SENP7: variants seen among roughly 807,000 people sequenced by gnomAD.
SENP7 encodes SUMO specific peptidase 7.
In SENP7, 64 loss-of-function variants were observed where a neutral mutation model predicts 141.2. That is an observed-to-expected ratio of 0.45 (90% CI 0.37 to 0.56). The LOEUF (loss-of-function observed/expected upper bound fraction) is 0.56. SENP7 is among the 20% of genes least tolerant of loss of function. SENP7 has a pLI of 0.00. For missense variants in SENP7, 1,025 were observed against 1,212.2 expected (o/e 0.85, Z 2.29); for synonymous variants, 382 against 426.4 (o/e 0.90, Z 1.28).
At chr3:101,490,257 A>C (rs1184264502) in intron 3 of SENP7, among the ~76,000 whole-genome samples, 1 of 152,198 alleles carries the variant, frequency 6.6e-6, no homozygotes, top group Non-Finnish European at 1.5e-5. Flanking sequence ...TAAATAAACC[A>C]TAATATATTC....
Position 101,417,604 on chromosome 3 carries a change from A to G in SENP7, c.471T>C (p.Asn157=). 1 of 1,613,116 alleles carries G rather than the reference A, an allele frequency of 6.2e-7. No homozygotes were observed. Among genetic ancestry groups the G allele is most frequent in the Non-Finnish European group, 8.5e-7 (1 of 1,179,086 alleles). Residue 157 remains asparagine (N), a synonymous_variant, in exon 5 of 24, where the codon AAT becomes AAC. Transcript: ENST00000394095. ...ACTGAACAACATACCTTTCAGATAA[A>G]TTAAGGCTTTGGCGAAGAGGTTCTA... ...QKLEPLRQSL[N]LSERIPRVIL...
chr3:101,496,122 C>G (rs1432393090), intron 2 of SENP7, among the ~76,000 whole-genome samples: 1 of 152,098 alleles, frequency 6.6e-6, no homozygotes, highest in Non-Finnish European at 1.5e-5. Flanking sequence ...GACAAATAAA[C>G]TAGAAGGATA....
intron 14 of SENP7, 84 bp downstream of exon 14, chr3:101,343,602 G>T: frequency 1.5e-6 from 2 of 1,373,338 alleles, no homozygotes; most frequent in Non-Finnish European, 2.0e-6. Flanking sequence ...ACAAAATGTA[G>T]CATTTGAAAG....
chr3:101,449,155 G>C (rs2063017427), intron 4 of SENP7, among the ~76,000 whole-genome samples: 1 of 151,542 alleles, frequency 6.6e-6, no homozygotes, highest in Non-Finnish European at 1.5e-5. Flanking sequence ...ATGAAATGAA[G>C]AGAGAAGTTT....
intron 6 of SENP7, among the ~76,000 whole-genome samples, chr3:101,391,743 C>T (rs530472174): frequency 2.6e-5 from 4 of 152,228 alleles, no homozygotes; most frequent in Admixed American, 2.0e-4. Flanking sequence ...TTCTACAAGG[C>T]CAGCACTACC....
intron 3 of SENP7, 138 bp downstream of exon 3, chr3:101,493,735 G>A: frequency 2.0e-6 from 1 of 497,176 alleles, no homozygotes; most frequent in South Asian, 3.7e-5. Context: ...TGCCAAAAAT[G>A]AACTAAAATC....
intron 5 of SENP7, among the ~76,000 whole-genome samples, chr3:101,411,494 C>T (rs2061457036): frequency 6.6e-6 from 1 of 152,136 alleles, no homozygotes; most frequent in South Asian, 2.1e-4. Context: ...AAAACTTATC[C>T]AGTTTGGGTA....
At chr3:101,444,725 C>CA (rs2062820314) in intron 4 of SENP7, among the ~76,000 whole-genome samples, 1 of 122,148 alleles carries the variant, frequency 8.2e-6, no homozygotes, top group Non-Finnish European at 1.6e-5. Flanking sequence ...GGGAACATCA[C>CA]ACTCTGGGGA....
At chr3:101,434,092 A>C (rs1018766333) in intron 4 of SENP7, among the ~76,000 whole-genome samples, 8 of 152,160 alleles carry the variant, frequency 5.3e-5, no homozygotes, top group Non-Finnish European at 7.4e-5. Flanking sequence ...ATCTTCTCTG[A>C]CCACAAAGGA....
chr3:101,493,195 A>G (rs965471402), intron 3 of SENP7, among the ~76,000 whole-genome samples: 1 of 152,206 alleles, frequency 6.6e-6, no homozygotes, highest in African/African-American at 2.4e-5. Flanking sequence ...AATGATCAGA[A>G]CACGCGGACA....
At chr3:101,452,088 A>C (rs1385701328) in intron 4 of SENP7, among the ~76,000 whole-genome samples, 2 of 152,216 alleles carry the variant, frequency 1.3e-5, no homozygotes, top group African/African-American at 4.8e-5. Flanking sequence ...ACAGAGAGCC[A>C]AATCATGAGT....
chr3:101,404,057 T>C (rs767483085), intron 5 of SENP7, among the ~76,000 whole-genome samples: 39 of 152,254 alleles, frequency 2.6e-4, no homozygotes, highest in South Asian at 1.9e-3. Flanking sequence ...TTCATAGAAT[T>C]AGAAAAAACT....
intron 4 of SENP7, among the ~76,000 whole-genome samples, chr3:101,434,083 T>C (rs374706596): frequency 1.3e-5 from 2 of 152,130 alleles, no homozygotes; most frequent in African/African-American, 2.4e-5. Context: ...ATATGAAGCA[T>C]CTTCTCTGAC....
chr3:101,471,165 C>T (rs144969926), intron 3 of SENP7, among the ~76,000 whole-genome samples: 60,307 of 151,754 alleles, frequency 0.4, 12,489 homozygotes, highest in Admixed American at 0.54. Flanking sequence ...AAAGTTCATA[C>T]GGAACCAAAA....
intron 13 of SENP7, 111 bp downstream of exon 13, chr3:101,347,761 A>G: frequency 1.7e-6 from 1 of 579,680 alleles, no homozygotes. Context: ...TTTTCACTAA[A>G]TAAAATTAAT....
rs1319629331 is a variant in SENP7 at position 101,417,763 on chromosome 3, G to T, written c.312C>A (p.Val104=). The T allele has an allele frequency of 6.2e-7, 1 of 1,613,792 alleles. No homozygotes were observed. The highest frequency in any genetic ancestry group is 8.5e-7 in the Non-Finnish European group (1 of 1,179,770). Residue 104 remains valine, a synonymous_variant, in exon 5 of 24, where the codon GTC becomes GTA. Coordinates refer to ENST00000394095, the MANE Select transcript of SENP7 (RefSeq NM_020654.5). ...ERQLKVMLTN[V]LWTDLGRKFR... The stretch of plus-strand genomic sequence containing the variant: ...ATTTTCGTCCTAAATCCGTCCATAG[G>T]ACATTCGTCAACATAACTTTGAGTT...
chr3:101,493,136 AG>A (rs768920350), intron 3 of SENP7, among the ~76,000 whole-genome samples: 2 of 152,222 alleles, frequency 1.3e-5, no homozygotes, highest in Non-Finnish European at 2.9e-5. Flanking sequence ...AAACTAACAC[AG>A]GAACAGAAAA....
At chr3:101,501,243 A>C in intron 1 of SENP7, 124 bp from the exon 2 acceptor site, 1 of 634,742 alleles carries the variant, frequency 1.6e-6, no homozygotes, top group Non-Finnish European at 2.6e-6. Flanking sequence ...TTTAGAATTT[A>C]CACATTTTAC....
intron 4 of SENP7, among the ~76,000 whole-genome samples, chr3:101,455,079 A>C (rs1230323987): frequency 6.6e-6 from 1 of 150,688 alleles, no homozygotes; most frequent in Non-Finnish European, 1.5e-5. Flanking sequence ...CACAGGAGAT[A>C]GAGTCAGCAG....
Sources: allele counts gnomAD v4.1 joint callset (sites outside exome capture counted in the v4.1 genomes callset), GRCh38; gene constraint gnomAD v4.1.1; transcripts MANE v1.5; gene names NCBI Gene and HGNC (gene_info 2026-07-23, HGNC 2026-07-21).